The following PHF21B variants were observed in gnomAD, a reference collection of about 807,000 sequenced individuals.
The protein encoded by PHF21B is PHD finger protein 4.
PHF21B carries 22 observed loss-of-function variants against 62.2 expected under a neutral mutation model. The ratio of observed to expected loss-of-function variants is 0.35; its 90% CI spans 0.25 to 0.51. PHF21B has a LOEUF of 0.51. PHF21B is among the 20% of genes least tolerant of loss of function. The pLI is 0.97. For missense variants in PHF21B, 701 were observed against 707.9 expected (o/e 0.99, Z 0.11); for synonymous variants, 341 against 314.7 (o/e 1.08, Z -0.88).
chr22:44,910,752 T>C (rs9614588), intron 5 of PHF21B, among the ~76,000 whole-genome samples: 13,867 of 152,238 alleles, frequency 0.091, 687 homozygotes, highest in Non-Finnish European at 0.1. Context: ...TTATCAGCAG[T>C]GTAAAATGGA....
rs747618588 is a variant in PHF21B at position 44,913,911 on chromosome 22, A to C, written c.742T>G (p.Ser248Ala). The C allele has an allele frequency of 6.2e-7, 1 of 1,609,132 alleles. No homozygotes were observed. Among genetic ancestry groups the C allele is most frequent in the Non-Finnish European group, 8.5e-7 (1 of 1,179,304 alleles). ...GATGGCTCCTCTGTGGGCGGCCGCG[A>C]CTCTGCCGTGCTCTCGGGCTGCGTC... ...VQTQPESTAE[S>A]RPPTEEPSQG... Residue 248 changes from serine to alanine, a missense_variant, in exon 5 of 13, where the codon TCG becomes GCG. Transcript: ENST00000313237.
At chr22:44,884,119 CCATCATGATCACCATTAT>C (rs2070792963) in intron 12 of PHF21B, among the ~76,000 whole-genome samples, 2 of 145,060 alleles carry the variant, frequency 1.4e-5, no homozygotes, top group African/African-American at 2.5e-5. Context: ...AGCACCATCA[CCATCATGATCACCATTAT>C]CACCACCACC....
intron 2 of PHF21B, among the ~76,000 whole-genome samples, chr22:44,972,963 C>T (rs2072667866): frequency 1.3e-5 from 2 of 152,194 alleles, no homozygotes; most frequent in African/African-American, 4.8e-5. Context: ...ACACCCTCCC[C>T]GCCATGCAGG....
At chr22:44,993,327 T>C (rs2073070924) in intron 2 of PHF21B, among the ~76,000 whole-genome samples, 1 of 152,106 alleles carries the variant, frequency 6.6e-6, no homozygotes, top group African/African-American at 2.4e-5. Flanking sequence ...AGCCTCAGTG[T>C]CCCCTCCGGT....
chr22:44,901,248 C>T (rs1169946704), intron 5 of PHF21B, among the ~76,000 whole-genome samples: 2 of 152,198 alleles, frequency 1.3e-5, no homozygotes, highest in Non-Finnish European at 2.9e-5. Context: ...ATGCCCTGAG[C>T]TGCTGGCAGC....
intron 7 of PHF21B, among the ~76,000 whole-genome samples, chr22:44,892,954 C>T (rs1475995464): frequency 6.6e-6 from 1 of 151,896 alleles, no homozygotes; most frequent in African/African-American, 2.4e-5. Context: ...CACCCCCATC[C>T]CTGGGTATGG....
intron 2 of PHF21B, among the ~76,000 whole-genome samples, chr22:44,983,682 G>A (rs576862311): frequency 6.6e-6 from 1 of 152,072 alleles, no homozygotes; most frequent in South Asian, 2.1e-4. Context: ...CAGATGAAGA[G>A]AAATGTCTAA....
In PHF21B at chr22:44,919,757, C is replaced by T. The variant is rs371982307; in HGVS notation, c.213+641G>A. On this transcript the variant is annotated intron_variant, in intron 3 of 12. Transcript: ENST00000313237. ...CCTGGCGTTTGCTCTGTACCAGGCA[C>T]GGTTACAAATGTTTTGTCTTGACTC... Among the ~76,000 whole-genome samples the T allele has an allele frequency of 2.6e-4, 39 of 152,360 alleles. 1 individual carries two copies. In the South Asian group the frequency reaches 7.0e-3, roughly 28 times the overall value.
In PHF21B at chr22:44,990,291, AT is replaced by A. The variant is rs1601685964; in HGVS notation, c.120+18253del. Among the ~76,000 whole-genome samples the A allele has an allele frequency of 5.9e-5, 9 of 152,354 alleles. 1 individual carries two copies. ...GCCCAGGAAGAAAAGCACAAGTCCCATCCATCAATTCCACTTCTGCATAGAT... is the reference window on the plus strand; with the variant it reads ...GCCCAGGAAGAAAAGCACAAGTCCCACCATCAATTCCACTTCTGCATAGAT... On this transcript the variant is annotated intron_variant, in intron 2 of 12. Transcript: ENST00000313237.
chr22:44,935,343 G>A lies in PHF21B; in HGVS notation c.121-14853C>T, dbSNP rs143467671. 1.5e-3 allele frequency among the ~76,000 whole-genome samples: 232 copies of A among 152,064 alleles called. 2 individuals are homozygous for A. The highest frequency in any genetic ancestry group is 5.3e-3 in the African/African-American group (220 of 41,500). On this transcript the variant is annotated intron_variant, in intron 2 of 12. Transcript: ENST00000313237. The stretch of plus-strand genomic sequence containing the variant: ...AAAACAGAAGCACATGGCCGGGCGC[G>A]GTGGCTCACGCCTGTAATCCCAGCA...
intron 2 of PHF21B, among the ~76,000 whole-genome samples, chr22:44,988,332 TG>T (rs2147498291): frequency 6.6e-6 from 1 of 152,230 alleles, no homozygotes; most frequent in African/African-American, 2.4e-5. Flanking sequence ...TGTGGTAGCA[TG>T]GGCCTGTTGT....
At chr22:44,902,805 T>A (rs887242067) in intron 5 of PHF21B, among the ~76,000 whole-genome samples, 9 of 152,244 alleles carry the variant, frequency 5.9e-5, no homozygotes, top group African/African-American at 2.2e-4. Context: ...TTCTCTTTCC[T>A]GTATTTTTTG....
Position 44,981,280 on chromosome 22 carries a change from C to G in PHF21B, c.120+27265G>C, listed in dbSNP as rs534074719. Among the ~76,000 whole-genome samples the G allele has an allele frequency of 2.6e-5, 4 of 152,276 alleles. No homozygotes were observed. In the South Asian group the frequency reaches 8.3e-4, roughly 32 times the overall value. On this transcript the variant is annotated intron_variant, in intron 2 of 12. Coordinates refer to ENST00000313237, the MANE Select transcript of PHF21B (RefSeq NM_138415.5). Reference sequence around the variant, plus strand: ...AGCGGCATGATCTGTTCAACACTTTCCCTGTGTCATCTCTACCCTCCTCGG... The same window carrying G: ...AGCGGCATGATCTGTTCAACACTTTGCCTGTGTCATCTCTACCCTCCTCGG...
intron 2 of PHF21B, among the ~76,000 whole-genome samples, chr22:44,940,443 G>T (rs2071933983): frequency 6.6e-6 from 1 of 152,268 alleles, no homozygotes. Flanking sequence ...TCACCGCGCA[G>T]CGGGGGCCAA....
chr22:45,009,006 T>C lies in PHF21B; in HGVS notation c.55-396A>G. On this transcript the variant is annotated intron_variant, in intron 1 of 12. Transcript: ENST00000313237. The surrounding 1 kb of genome is among the most constrained non-coding windows in gnomAD (Gnocchi z 5.9). The stretch of plus-strand genomic sequence containing the variant: ...AAAGCTCATAAATATTCAAGTCGCG[T>C]CCTAATCTCCCCAACACACACACGC... The C allele has an allele frequency of 9.0e-7, 1 of 1,107,068 alleles. No individual in the cohort carries two copies. The highest frequency in any genetic ancestry group is 3.9e-4 in the Middle Eastern group (1 of 2,532). 68.6% of individuals were successfully genotyped at this position (1,107,068 alleles called of 1,614,324 possible). A position where few individuals can be genotyped will look rare whatever the true frequency, so the allele number is the denominator to read the frequency against.
At chr22:44,993,865 A>G (rs552383104) in intron 2 of PHF21B, among the ~76,000 whole-genome samples, 1 of 152,364 alleles carries the variant, frequency 6.6e-6, no homozygotes, top group Admixed American at 6.5e-5. Context: ...CACACAACCT[A>G]ATATCAAACC....
At chr22:44,909,593 A>G (rs2071310235) in intron 5 of PHF21B, among the ~76,000 whole-genome samples, 1 of 152,210 alleles carries the variant, frequency 6.6e-6, no homozygotes, top group Non-Finnish European at 1.5e-5. Flanking sequence ...CCCATTACCT[A>G]AGAATAAAGC....
chr22:44,938,851 T>C (rs1474133232), intron 2 of PHF21B, among the ~76,000 whole-genome samples: 3 of 152,288 alleles, frequency 2.0e-5, no homozygotes, highest in African/African-American at 7.2e-5. Flanking sequence ...TGGAAATAAA[T>C]GCACTCTGGC....
intron 2 of PHF21B, among the ~76,000 whole-genome samples, chr22:44,929,052 C>T (rs1293169478): frequency 8.5e-5 from 13 of 152,222 alleles, no homozygotes; most frequent in Admixed American, 3.3e-4. Context: ...AGCCGCCACG[C>T]GCACAGCCAC....
Sources: gnomAD v4.1 joint callset for allele counts (sites outside exome capture counted in the v4.1 genomes callset) on GRCh38, gnomAD v4.1.1 for gene constraint, Gnocchi (gnomAD v3.1) non-coding constraint, MANE v1.5 for transcripts, NCBI Gene and HGNC (gene_info 2026-07-23, HGNC 2026-07-21) for gene names.